ZFP37: variants seen among roughly 807,000 people sequenced by gnomAD.
The protein encoded by ZFP37 is ZFP37 zinc finger protein, also known as zinc finger protein 37 homolog.
A neutral mutation model predicts 52.1 loss-of-function variants in ZFP37; 38 were observed. The observed-to-expected ratio is 0.73, with a 90% CI of 0.56 to 0.96. ZFP37 has a LOEUF of 0.96. ZFP37 is among the 40% of genes least tolerant of loss of function. ZFP37 has a pLI of 0.00. For synonymous variants in ZFP37, 253 were observed against 259.5 expected, an observed-to-expected ratio of 0.98 and a Z score of 0.24; for missense variants, 695 against 741.4, an observed-to-expected ratio of 0.94 and a Z score of 0.73.
Position 113,049,865 on chromosome 9 carries a change from T to C in ZFP37, c.140A>G (p.Lys47Arg), listed in dbSNP as rs1454405449. 6.2e-7 allele frequency: 1 copy of C among 1,614,078 alleles called. No homozygotes were observed. Among genetic ancestry groups the C allele is most frequent in the South Asian group, 1.1e-5 (1 of 91,082 alleles). ...SEPEASAAEW[K>R]QLDPAQSNLY... ...GTTGCTCTGAGCAGGATCCAGTTGC[T>C]TCCATTCCTTCTGGGTAAAGGCCAT... Residue 47 changes from lysine (K) to arginine (R), a missense_variant, in exon 2 of 4, where the codon AAG (lysine) becomes AGG (arginine). Physicochemically the swap from Lys to Arg is conservative, Grantham distance 26. Transcript: ENST00000374227.
rs1185610888 is a variant in ZFP37 at position 113,042,935 on chromosome 9, A to G, written c.1683T>C (p.Ile561=). ...CCCCAGTATGAGTTCTCTGATGTAC[A>G]ATGAGGTGAGACTTTTGGCTAAAGG... ...GKAFSQKSHL[I]VHQRTHTGEK... Residue 561 remains isoleucine, a synonymous_variant, in exon 4 of 4, where the codon ATT becomes ATC. Transcript: ENST00000374227. The G allele has an allele frequency of 3.1e-6, 5 of 1,613,812 alleles. No homozygotes were observed. Among genetic ancestry groups the G allele is most frequent in the South Asian group, 1.1e-5 (1 of 91,050 alleles).
intron 3 of ZFP37, among the ~76,000 whole-genome samples, chr9:113,046,508 A>G (rs1329175650): frequency 1.3e-5 from 2 of 152,162 alleles, no homozygotes; most frequent in Non-Finnish European, 2.9e-5. Context: ...AAGAACCTTT[A>G]CAATGATGAA....
intron 1 of ZFP37, among the ~76,000 whole-genome samples, chr9:113,056,247 C>A (rs1052834616): frequency 6.6e-6 from 1 of 152,110 alleles, no homozygotes; most frequent in African/African-American, 2.4e-5. Context: ...AAACCGCCAA[C>A]CCCCACGGTC....
chr9:113,049,561 T>C, intron 2 of ZFP37, 65 bp from the exon 3 acceptor site: 5 of 1,562,048 alleles, frequency 3.2e-6, no homozygotes, highest in Non-Finnish European at 4.3e-6. Context: ...AGCCGCAGCA[T>C]TTGTACTTCA....
rs1176182579 is a variant in ZFP37, at chr9:113,040,765, A to C, written c.*1960T>G. ...TATGTTAGTTCTGAGGAATAAATGA[A>C]ATAATGTAGGGATTGTGCTTTAAAA... is the stretch of plus-strand genomic sequence containing the variant. On this transcript the variant is annotated 3_prime_UTR_variant, in exon 4 of 4. Transcript: ENST00000374227. 6.6e-6 allele frequency: 1 copy of C among 152,314 alleles called. No homozygotes were observed. The highest frequency in any genetic ancestry group is 1.9e-4 in the East Asian group (1 of 5,188). The allele number at this position is 152,314 out of a possible 1,614,324, so 9.4% of individuals were successfully genotyped here. A position where few individuals can be genotyped will look rare whatever the true frequency, so the allele number is the denominator to read the frequency against.
chr9:113,049,703 C>T, intron 2 of ZFP37, 88 bp downstream of exon 2: 2 of 1,536,286 alleles, frequency 1.3e-6, no homozygotes, highest in African/African-American at 2.8e-5. Flanking sequence ...CCCTTTGACC[C>T]ACAAAAATGA....
At position 113,049,410 on chromosome 9, in the gene ZFP37, C is replaced by A. The variant is rs1406360887; in HGVS notation, c.301G>T (p.Gly101Cys). The part of the protein sequence containing the change: ...WLGKGKRPSQ[G>C]CPSKIARPKQ... ...GGTCTTGCTATTTTACTTGGACAACCTTGACTGGGTCTTTTCCCCTTCCCC... is the reference window on the plus strand; with the variant it reads ...GGTCTTGCTATTTTACTTGGACAACATTGACTGGGTCTTTTCCCCTTCCCC... The change falls in exon 3 of 4, where the codon GGT (glycine) becomes TGT (cysteine). Residue 101 changes from glycine (G) to cysteine (C), a missense_variant. Coordinates refer to ENST00000374227, the MANE Select transcript of ZFP37 (RefSeq NM_003408.3). 1.9e-6 allele frequency: 3 copies of A among 1,614,130 alleles called. No individual in the cohort carries two copies. The highest frequency in any genetic ancestry group is 1.1e-5 in the South Asian group (1 of 91,082).
intron 2 of ZFP37, 60 bp from the exon 3 acceptor site, chr9:113,049,556 C>A (rs1022626844): frequency 1.5e-5 from 24 of 1,565,878 alleles, no homozygotes; most frequent in Admixed American, 3.8e-5. Flanking sequence ...AATGAAGCCG[C>A]AGCATTTGTA....
intron 3 of ZFP37, among the ~76,000 whole-genome samples, chr9:113,046,881 G>C (rs547091439): frequency 3.3e-5 from 5 of 152,056 alleles, no homozygotes; most frequent in African/African-American, 1.2e-4. Flanking sequence ...AGGCCGAAGC[G>C]GGTGGATCAC....
At position 113,043,214 on chromosome 9, in the gene ZFP37, T is replaced by C. The variant is rs755185499; in HGVS notation, c.1404A>G (p.Lys468=). ...EKPFECNECG[K]AFSKKSHLII... is the part of the protein sequence containing the mutation. Reference sequence around the variant, plus strand: ...TGAGGTGTGACTTCTTGCTGAAAGCTTTCCCACATTCATTACATTCAAAGG... The same window carrying C: ...TGAGGTGTGACTTCTTGCTGAAAGCCTTCCCACATTCATTACATTCAAAGG... The change falls in exon 4 of 4, where the codon AAA becomes AAG. Residue 468 remains lysine (K), a synonymous_variant. Transcript: ENST00000374227. 1.2e-6 allele frequency: 2 copies of C among 1,613,974 alleles called. No individual in the cohort carries two copies. The highest frequency in any genetic ancestry group is 1.7e-6 in the Non-Finnish European group (2 of 1,179,974).
rs774508784 is a variant in ZFP37 at position 113,049,848 on chromosome 9, G to A, written c.157C>T (p.Gln53Ter). Residue 53 changes from glutamine to a stop codon, truncating the protein, a stop_gained, in exon 2 of 4, where the codon CAG (glutamine) becomes TAG (stop). Coordinates refer to ENST00000374227, the MANE Select transcript of ZFP37 (RefSeq NM_003408.3). LOFTEE classifies it high-confidence loss of function. ...AAEWKQLDPA[Q>*]SNLYNDVMLE... is the part of the protein sequence containing the mutation. ...ATCACATCATTATACAGGTTGCTCT[G>A]AGCAGGATCCAGTTGCTTCCATTCC... 28 of 1,613,942 alleles carry A rather than the reference G, an allele frequency of 1.7e-5. No homozygotes were observed. Among genetic ancestry groups the A allele is most frequent in the South Asian group, 7.7e-5 (7 of 91,088 alleles).
Position 113,043,779 on chromosome 9 carries a change from G to A in ZFP37, c.839C>T (p.Ser280Phe). Residue 280 changes from serine (S) to phenylalanine (F), a missense_variant, in exon 4 of 4, where the codon TCT becomes TTT. This residue lies in a region of ZFP37 where 369 missense variants were observed against 340.9 expected (regional missense o/e 1.08). Transcript: ENST00000374227. ...KHEKSPSLSS[S>F]TKHEKPQACV... Reference sequence around the variant, plus strand: ...AGCTTGAGGTTTTTCATGCTTAGTAGATGAGCTAAGGCTGGGTGATTTCTC... The same window carrying A: ...AGCTTGAGGTTTTTCATGCTTAGTAAATGAGCTAAGGCTGGGTGATTTCTC... The A allele has an allele frequency of 6.2e-7, 1 of 1,614,002 alleles. No homozygotes were observed. The highest frequency in any genetic ancestry group is 8.5e-7 in the Non-Finnish European group (1 of 1,179,968).
chr9:113,048,356 T>G (rs1828996234), intron 3 of ZFP37, among the ~76,000 whole-genome samples: 1 of 152,016 alleles, frequency 6.6e-6, no homozygotes, highest in Non-Finnish European at 1.5e-5. Context: ...AGAGGGCAGA[T>G]CTAAGAATGT....
rs761825726 is a variant in ZFP37 at position 113,052,659 on chromosome 9, T to C, written c.133-2787A>G. Among the ~76,000 whole-genome samples the C allele has an allele frequency of 1.1e-4, 16 of 152,178 alleles. No homozygotes were observed. The highest frequency in any genetic ancestry group is 2.2e-4 in the Non-Finnish European group (15 of 68,016). On this transcript the variant is annotated intron_variant, in intron 1 of 3. Coordinates refer to ENST00000374227, the MANE Select transcript of ZFP37 (RefSeq NM_003408.3). The surrounding 1 kb of genome is among the most constrained non-coding windows in gnomAD (Gnocchi z 4.1). ...ACTAGGGAAGCTCATTAGAGACCAGTACTGCCTAGGGGTTTCACTGGGGGC... is the reference window on the plus strand; with the variant it reads ...ACTAGGGAAGCTCATTAGAGACCAGCACTGCCTAGGGGTTTCACTGGGGGC...
At position 113,043,422 on chromosome 9, in the gene ZFP37, T is replaced by C. The variant is rs1339427802; in HGVS notation, c.1196A>G (p.His399Arg). Reference protein sequence around the residue: ...SSNLIQHVRSHTGEKPYECKE... With the variant: ...SSNLIQHVRSRTGEKPYECKE... ...ACATTCATATGGCTTCTCACCTGTG[T>C]GAGATCTCACATGTTGAATAAGGTT... Residue 399 changes from histidine (H) to arginine (R), a missense_variant, in exon 4 of 4, where the codon CAC (histidine) becomes CGC (arginine). By Grantham distance (29) the His-to-Arg change is conservative. Coordinates refer to ENST00000374227, the MANE Select transcript of ZFP37 (RefSeq NM_003408.3). 6.2e-7 allele frequency: 1 copy of C among 1,614,100 alleles called. No homozygotes were observed. The highest frequency in any genetic ancestry group is 1.1e-5 in the South Asian group (1 of 91,078).
intron 1 of ZFP37, 48 bp downstream of exon 1, chr9:113,056,509 T>C (rs1564096372): frequency 6.2e-7 from 1 of 1,602,840 alleles, no homozygotes; most frequent in East Asian, 2.2e-5. Flanking sequence ...GCCCCGCAAG[T>C]ACACCATCTC....
rs754315362 is a variant in ZFP37 at position 113,043,055 on chromosome 9, T to C, written c.1563A>G (p.Gln521=). ...CAATTTGTTTAAAGCCTTTCCCACA[T>C]TGATTACATTCAAAGGGACTTTCAC... The part of the protein sequence containing the change: ...HTGESPFECN[Q]CGKGFKQIEG... The change falls in exon 4 of 4, where the codon CAA becomes CAG. Residue 521 remains glutamine (Q), a synonymous_variant. Transcript: ENST00000374227. 1.1e-5 allele frequency: 18 copies of C among 1,613,510 alleles called. No homozygotes were observed. The highest frequency in any genetic ancestry group is 6.7e-5 in the African/African-American group (5 of 74,910).
rs1280616927 is a variant in ZFP37 at position 113,052,397 on chromosome 9, C to G, written c.133-2525G>C. Among the ~76,000 whole-genome samples, 1 of 152,170 alleles carries G rather than the reference C, an allele frequency of 6.6e-6. No homozygotes were observed. The highest frequency in any genetic ancestry group is 1.9e-4 in the East Asian group (1 of 5,198). ...ATTTATAGTATCACCAGGTTTTCAG[C>G]CATTAACCCTTCTGGGTCCGGTGAT... is the stretch of plus-strand genomic sequence containing the variant. On this transcript the variant is annotated intron_variant, in intron 1 of 3. Transcript: ENST00000374227. The surrounding 1 kb of genome is among the most constrained non-coding windows in gnomAD (Gnocchi z 4.1).
rs1456249882 is a variant in ZFP37, at chr9:113,043,122, C to A, written c.1496G>T (p.Gly499Val). The change falls in exon 4 of 4, where the codon GGA becomes GTA. Residue 499 changes from glycine to valine, a missense_variant. Around this residue, in one of 2 missense-constraint regions of ZFP37, gnomAD observed 326 missense variants for 400.5 expected, o/e 0.81. Transcript: ENST00000374227. ...YKCNECGKAF[G>V]HSSSLTYHMR... ...ATGGTAAGTAAGAGATGAGCTATGT[C>A]CAAAGGCTTTTCCACACTCATTACA... 3.7e-6 allele frequency: 6 copies of A among 1,613,434 alleles called. No homozygotes were observed. Among genetic ancestry groups the A allele is most frequent in the Non-Finnish European group, 5.1e-6 (6 of 1,179,930 alleles).
Sources: allele counts gnomAD v4.1 joint callset (sites outside exome capture counted in the v4.1 genomes callset), GRCh38; gene constraint gnomAD v4.1.1; regional missense constraint gnomAD v4.1.1; non-coding constraint Gnocchi (gnomAD v3.1); transcripts MANE v1.5; gene names NCBI Gene and HGNC (gene_info 2026-07-23, HGNC 2026-07-21).